NOX4: variants seen among roughly 807,000 people sequenced by gnomAD.
NOX4 encodes NADPH oxidase 4, also known as kidney oxidase-1.
In NOX4, 69 loss-of-function variants were observed where a neutral mutation model predicts 87.6. The observed-to-expected ratio is 0.79, with a 90% CI of 0.65 to 0.96. The LOEUF (loss-of-function observed/expected upper bound fraction) is 0.96, where lower values mean the gene tolerates loss of function less well. Ranked by LOEUF, NOX4 falls within the 40% of genes least tolerant of loss-of-function variation. NOX4 has a pLI of 0.00. For missense variants in NOX4, 680 were observed against 681.5 expected (o/e 1.00, Z 0.02); for synonymous variants, 275 against 238.2 (o/e 1.15, Z -1.42).
the NOX4 span, among the ~76,000 whole-genome samples, chr11:89,579,690 C>G: frequency 1.3e-5 from 2 of 151,982 alleles, no homozygotes; most frequent in East Asian, 3.9e-4. Context: ...ACAAATTTAT[C>G]ATACTAATGT....
At chr11:89,427,919 A>C (rs1264365179) in intron 7 of NOX4, among the ~76,000 whole-genome samples, 1 of 152,226 alleles carries the variant, frequency 6.6e-6, no homozygotes, top group East Asian at 1.9e-4. Context: ...CATAATTGTC[A>C]GATTCACCAA....
At chr11:89,569,730 G>A in the NOX4 span, among the ~76,000 whole-genome samples, 1 of 152,150 alleles carries the variant, frequency 6.6e-6, no homozygotes. Flanking sequence ...CTGGCCGGGT[G>A]CAGTGGCTCA....
intron 6 of NOX4, among the ~76,000 whole-genome samples, chr11:89,439,887 T>A (rs1473380929): frequency 6.6e-6 from 1 of 152,178 alleles, no homozygotes; most frequent in African/African-American, 2.4e-5. Context: ...AGAAATAACT[T>A]ATTTTAATGA....
At chr11:89,356,232 T>C (rs1938035886) in intron 12 of NOX4, among the ~76,000 whole-genome samples, 1 of 152,016 alleles carries the variant, frequency 6.6e-6, no homozygotes, top group African/African-American at 2.4e-5. Flanking sequence ...AAAGGGTAAA[T>C]GTAAGTAATT....
chr11:89,536,147 T>TTC, the NOX4 span, among the ~76,000 whole-genome samples: 1 of 139,332 alleles, frequency 7.2e-6, no homozygotes, highest in South Asian at 2.4e-4. Context: ...TCTTTTTTTT[T>TTC]TTTTTTTTTT....
intron 8 of NOX4, among the ~76,000 whole-genome samples, chr11:89,416,068 T>C (rs1242674111): frequency 6.6e-6 from 1 of 152,140 alleles, no homozygotes; most frequent in Non-Finnish European, 1.5e-5. Context: ...TAGCCTCTCT[T>C]AAAACTTTCC....
intron 17 of NOX4, among the ~76,000 whole-genome samples, chr11:89,335,374 G>C (rs1945657638): frequency 6.6e-6 from 1 of 151,608 alleles, no homozygotes; most frequent in Admixed American, 6.6e-5. Flanking sequence ...TAGGTTTAAA[G>C]ACTGCATATT....
chr11:89,480,827 T>C (rs1946364240), intron 2 of NOX4, among the ~76,000 whole-genome samples: 1 of 152,120 alleles, frequency 6.6e-6, no homozygotes, highest in African/African-American at 2.4e-5. Flanking sequence ...TAATCTGAGA[T>C]AGGTAATTTA....
chr11:89,519,833 A>T, the NOX4 span, among the ~76,000 whole-genome samples: 1 of 152,154 alleles, frequency 6.6e-6, no homozygotes, highest in East Asian at 1.9e-4. Context: ...GACTTTCATT[A>T]TCTCTGCCCT....
At chr11:89,531,298 C>T in the NOX4 span, among the ~76,000 whole-genome samples, 1 of 152,122 alleles carries the variant, frequency 6.6e-6, no homozygotes. Flanking sequence ...CTCACCAACA[C>T]ATTCAACTTC....
chr11:89,550,739 G>T, the NOX4 span, among the ~76,000 whole-genome samples: 3 of 151,988 alleles, frequency 2.0e-5, no homozygotes, highest in African/African-American at 4.8e-5. Context: ...CCAATCTGTG[G>T]GTTGCCTGTT....
At chr11:89,518,107 T>A in the NOX4 span, among the ~76,000 whole-genome samples, 1 of 151,814 alleles carries the variant, frequency 6.6e-6, no homozygotes, top group African/African-American at 2.4e-5. Context: ...AGAGCTAGGG[T>A]TTTTCAACTT....
the NOX4 span, among the ~76,000 whole-genome samples, chr11:89,544,609 C>A: frequency 0.012 from 1,837 of 152,218 alleles, 26 homozygotes; most frequent in African/African-American, 0.034. Context: ...TGCACTGAAG[C>A]AATGTATACT....
chr11:89,405,056 G>A (rs1942090735), intron 8 of NOX4, among the ~76,000 whole-genome samples: 1 of 139,474 alleles, frequency 7.2e-6, no homozygotes, highest in African/African-American at 2.7e-5. Context: ...TTGTAAAAGG[G>A]GTTCAAAATA....
chr11:89,386,808 A>T (rs1264877775), intron 11 of NOX4, among the ~76,000 whole-genome samples: 3 of 152,152 alleles, frequency 2.0e-5, no homozygotes, highest in Non-Finnish European at 4.4e-5. Flanking sequence ...AATTATGCTG[A>T]ACCCCCTTGG....
chr11:89,362,446 A>G (rs1938603620), intron 12 of NOX4, among the ~76,000 whole-genome samples: 1 of 152,104 alleles, frequency 6.6e-6, no homozygotes, highest in Admixed American at 6.6e-5. Context: ...CATGCTGTCC[A>G]GTATCTTGAT....
the NOX4 span, among the ~76,000 whole-genome samples, chr11:89,506,523 A>G: frequency 6.6e-6 from 1 of 151,778 alleles, no homozygotes; most frequent in Non-Finnish European, 1.5e-5. Context: ...ACCTTGAATT[A>G]GTCAAAAAAT....
chr11:89,490,457 C>A lies in NOX4; in HGVS notation c.153+1G>T. The A allele has an allele frequency of 6.2e-7, 1 of 1,604,154 alleles. No homozygotes were observed. Reference sequence around the variant, plus strand: ...AGATTATCCAAGTTCACCTTACTTACCCCCAACATCTGGTGGAGGTAGTGA... The same window carrying A: ...AGATTATCCAAGTTCACCTTACTTAACCCCAACATCTGGTGGAGGTAGTGA... On this transcript the variant is annotated splice_donor_variant, in intron 2 of 17. Transcript: ENST00000263317. LOFTEE classifies it high-confidence loss of function.
chr11:89,366,388 A>G (rs759199312), intron 12 of NOX4, among the ~76,000 whole-genome samples: 3 of 152,230 alleles, frequency 2.0e-5, no homozygotes, highest in Non-Finnish European at 4.4e-5. Context: ...ACTAAAAAGT[A>G]ACATTTTGGC....
Sources: allele counts gnomAD v4.1 joint callset (sites outside exome capture counted in the v4.1 genomes callset), GRCh38; gene constraint gnomAD v4.1.1; transcripts MANE v1.5; gene names NCBI Gene and HGNC (gene_info 2026-07-23, HGNC 2026-07-21).